The following RBM27 variants were observed in gnomAD, a reference collection of about 807,000 sequenced individuals.
RBM27 encodes the protein RNA-binding protein 27.
RBM27 carries 22 observed loss-of-function variants against 135.3 expected under a neutral mutation model. The observed-to-expected ratio is 0.16, with a 90% confidence interval of 0.12 to 0.23. The LOEUF is 0.23. Among genes scored for constraint, RBM27 ranks in the 10% least tolerant of loss-of-function variants. The probability of loss-of-function intolerance (pLI) is 1.00; values close to 1 mark genes in which losing one functional copy is unlikely to be tolerated. For synonymous variants in RBM27, 481 were observed against 442.4 expected, an observed-to-expected ratio of 1.09 and a Z score of -1.10; for missense variants, 1,009 against 1,281.0, an observed-to-expected ratio of 0.79 and a Z score of 3.24.
At chr5:146,259,769 C>G (rs528855707) in intron 11 of RBM27, among the ~76,000 whole-genome samples, 47 of 144,328 alleles carry the variant, frequency 3.3e-4, no homozygotes, top group Non-Finnish European at 5.9e-4. Context: ...GTCAGGAGAT[C>G]GAGACCATCC....
intron 17 of RBM27, 146 bp downstream of exon 17, chr5:146,269,730 T>A: frequency 5.8e-5 from 15 of 259,010 alleles, no homozygotes; most frequent in East Asian, 1.4e-4. Flanking sequence ...AAAAAAATCC[T>A]AATTATAGTA....
chr5:146,267,834 T>A, intron 15 of RBM27, 66 bp downstream of exon 15: 2 of 1,488,746 alleles, frequency 1.3e-6, no homozygotes, highest in South Asian at 1.2e-5. Context: ...GTGGTTACAT[T>A]ATCACTTTTA....
chr5:146,254,367 G>A (rs898649595), intron 9 of RBM27, among the ~76,000 whole-genome samples: 9 of 151,820 alleles, frequency 5.9e-5, no homozygotes, highest in Non-Finnish European at 1.3e-4. Context: ...ATGAGTAGGT[G>A]AGTGAATCTG....
At chr5:146,284,871 T>C (rs962368271) in intron 20 of RBM27, 139 bp downstream of exon 20, 6 of 551,950 alleles carry the variant, frequency 1.1e-5, no homozygotes, top group African/African-American at 7.7e-5. Context: ...TAGATGTTTA[T>C]TAGAGAATTA....
At chr5:146,277,023 G>A (rs1759119041) in intron 19 of RBM27, among the ~76,000 whole-genome samples, 2 of 152,178 alleles carry the variant, frequency 1.3e-5, no homozygotes, top group Non-Finnish European at 2.9e-5. Flanking sequence ...GGGTTCTTCA[G>A]GTGAAAATAT....
At chr5:146,205,022 C>T (rs555272568) in intron 1 of RBM27, among the ~76,000 whole-genome samples, 1 of 152,274 alleles carries the variant, frequency 6.6e-6, no homozygotes, top group Non-Finnish European at 1.5e-5. Flanking sequence ...CTCAGCCTCC[C>T]GAGTAGCTGG....
chr5:146,215,844 G>A (rs1340426045), intron 1 of RBM27, among the ~76,000 whole-genome samples: 2 of 151,446 alleles, frequency 1.3e-5, no homozygotes, highest in Admixed American at 6.6e-5. Flanking sequence ...TCTGCCTCCC[G>A]GGTTCAAGTG....
intron 20 of RBM27, 73 bp from the exon 21 acceptor site, chr5:146,285,874 G>T: frequency 4.4e-6 from 5 of 1,142,268 alleles, no homozygotes; most frequent in Middle Eastern, 2.0e-4. Context: ...TAGCCTGTTT[G>T]TCCTTTGGCC....
intron 9 of RBM27, among the ~76,000 whole-genome samples, chr5:146,253,597 A>G (rs2126825979): frequency 6.6e-6 from 1 of 152,230 alleles, no homozygotes; most frequent in South Asian, 2.1e-4. Flanking sequence ...AAGAGAAGGA[A>G]TGCCAACCAG....
rs1397799305 is a variant in RBM27 at position 146,288,487 on chromosome 5, A to G, written c.*2457A>G. ...TAATACTGGAAAACTTCAGGTTAGC[A>G]TAAAATAGTTTATATATATCCCCTG... On this transcript the variant is annotated 3_prime_UTR_variant, in exon 21 of 21. Coordinates refer to ENST00000265271, the MANE Select transcript of RBM27 (RefSeq NM_018989.2). 2 of 152,102 alleles carry G rather than the reference A, an allele frequency of 1.3e-5. No homozygotes were observed. The highest frequency in any genetic ancestry group is 2.9e-5 in the Non-Finnish European group (2 of 67,964). 9.4% of individuals were successfully genotyped at this position (152,102 alleles called of 1,614,324 possible). A position where few individuals can be genotyped will look rare whatever the true frequency, so the allele number is the denominator to read the frequency against.
At chr5:146,207,359 G>A (rs1243900492) in intron 1 of RBM27, among the ~76,000 whole-genome samples, 4 of 151,484 alleles carry the variant, frequency 2.6e-5, no homozygotes, top group Non-Finnish European at 4.4e-5. Flanking sequence ...GATTACAGGC[G>A]CCCGCCACCA....
At chr5:146,259,786 A>C (rs1471606765) in intron 11 of RBM27, among the ~76,000 whole-genome samples, 2 of 148,978 alleles carry the variant, frequency 1.3e-5, no homozygotes, top group Admixed American at 6.7e-5. Flanking sequence ...ATCCTGGCTA[A>C]CAAGGTGAAA....
intron 1 of RBM27, 42 bp from the exon 2 acceptor site, chr5:146,218,943 A>G (rs1288110288): frequency 1.5e-6 from 2 of 1,301,562 alleles, no homozygotes; most frequent in African/African-American, 3.0e-5. Flanking sequence ...TGTTTGATAA[A>G]AAGTGTTTTT....
At chr5:146,256,907 AAAAG>A (rs912920028) in intron 10 of RBM27, among the ~76,000 whole-genome samples, 1 of 152,208 alleles carries the variant, frequency 6.6e-6, no homozygotes, top group Non-Finnish European at 1.5e-5. Context: ...TTAATTAAAA[AAAAG>A]CATTAGGCAA....
At chr5:146,233,886 A>T in intron 7 of RBM27, 143 bp downstream of exon 7, 1 of 563,000 alleles carries the variant, frequency 1.8e-6, no homozygotes. Context: ...TTAAGATGCT[A>T]TTCTTTTCTT....
chr5:146,217,329 A>G (rs1756249155), intron 1 of RBM27, among the ~76,000 whole-genome samples: 1 of 152,072 alleles, frequency 6.6e-6, no homozygotes, highest in Admixed American at 6.6e-5. Context: ...ACAACAAAAA[A>G]AGTTGTGTTA....
chr5:146,209,114 A>T (rs1388676393), intron 1 of RBM27, among the ~76,000 whole-genome samples: 1 of 152,178 alleles, frequency 6.6e-6, no homozygotes, highest in Non-Finnish European at 1.5e-5. Context: ...TACCTACGTC[A>T]CCAAGTCTGT....
At chr5:146,254,531 C>T (rs976258238) in intron 9 of RBM27, among the ~76,000 whole-genome samples, 2 of 147,018 alleles carry the variant, frequency 1.4e-5, no homozygotes, top group Non-Finnish European at 3.0e-5. Context: ...GCAGATTCAA[C>T]CAACTACAGA....
At position 146,246,159 on chromosome 5, in the gene RBM27, A is replaced by G. The variant is rs140845350; in HGVS notation, c.1280-5552A>G. On this transcript the variant is annotated intron_variant, in intron 8 of 20. Transcript: ENST00000265271. ...GGTACCTTGTATTCTAATCAAGAAG[A>G]CACATAAATATGGCCAGTATTGGGA... Among the ~76,000 whole-genome samples, 689 of 152,312 alleles carry G rather than the reference A, an allele frequency of 4.5e-3. 7 individuals are homozygous for G. Among genetic ancestry groups the G allele is most frequent in the African/African-American group, 0.016 (659 of 41,570 alleles).
Sources: allele counts gnomAD v4.1 joint callset (sites outside exome capture counted in the v4.1 genomes callset), GRCh38; gene constraint gnomAD v4.1.1; transcripts MANE v1.5; gene names NCBI Gene and HGNC (gene_info 2026-07-23, HGNC 2026-07-21).